Variants in MTUS2 observed in about 807,000 individuals in gnomAD.
MTUS2 encodes microtubule associated scaffold protein 2.
MTUS2 carries 40 observed loss-of-function variants against 114.1 expected under a neutral mutation model. The ratio of observed to expected loss-of-function variants is 0.35; its 90% CI spans 0.27 to 0.46. The LOEUF is 0.46. MTUS2 is among the 20% of genes least tolerant of loss of function. The pLI, the probability that MTUS2 is intolerant of heterozygous loss-of-function variation, is 1.00. For synonymous variants in MTUS2, 688 were observed against 672.0 expected (o/e 1.02, Z -0.37); for missense variants, 1,679 against 1,705.4 (o/e 0.98, Z 0.27).
chr13:29,098,766 A>G (rs945465030), intron 4 of MTUS2, among the ~76,000 whole-genome samples: 1 of 152,196 alleles, frequency 6.6e-6, no homozygotes, highest in Non-Finnish European at 1.5e-5. Context: ...ATTCTTGACT[A>G]AGTAGTAAAT....
intron 9 of MTUS2, among the ~76,000 whole-genome samples, chr13:29,467,493 G>C (rs747685060): frequency 1.3e-5 from 2 of 152,156 alleles, no homozygotes; most frequent in African/African-American, 4.8e-5. Context: ...AACCGGTGCC[G>C]TGGAGATCTG....
Position 29,208,638 on chromosome 13 carries a change from T to C in MTUS2, c.2645-73066T>C, listed in dbSNP as rs1156688900. Among the ~76,000 whole-genome samples the C allele has an allele frequency of 2.0e-5, 3 of 152,284 alleles. No homozygotes were observed. In the East Asian group the frequency reaches 5.8e-4, roughly 29 times the overall value. ...GTTTTAATAGGTCGTATCACTATAA[T>C]CATTTGGTTCAAAGAATTTTTAAAT... On this transcript the variant is annotated intron_variant, in intron 5 of 15. Transcript: ENST00000612955.
intron 9 of MTUS2, among the ~76,000 whole-genome samples, chr13:29,472,968 G>T (rs565593279): frequency 6.6e-6 from 1 of 152,238 alleles, no homozygotes; most frequent in East Asian, 1.9e-4. Flanking sequence ...GTCCTTGACA[G>T]TTATTTTGTC....
intron 2 of MTUS2, among the ~76,000 whole-genome samples, chr13:28,884,513 TA>T (rs1035057265): frequency 3.3e-5 from 5 of 152,296 alleles, no homozygotes; most frequent in African/African-American, 1.2e-4. Context: ...ACTGTACACT[TA>T]AAATAGTTTA....
chr13:29,166,298 G>A (rs1296455304), intron 5 of MTUS2, among the ~76,000 whole-genome samples: 1 of 152,216 alleles, frequency 6.6e-6, no homozygotes, highest in Non-Finnish European at 1.5e-5. Context: ...ACGAAAAACA[G>A]GCCAACATGG....
intron 1 of MTUS2, among the ~76,000 whole-genome samples, chr13:28,830,641 A>G (rs1160843253): frequency 2.0e-5 from 3 of 152,200 alleles, no homozygotes; most frequent in Non-Finnish European, 4.4e-5. Flanking sequence ...AGAAATGAAC[A>G]GAACATCAGA....
At chr13:29,258,236 T>C (rs1897344288) in intron 5 of MTUS2, among the ~76,000 whole-genome samples, 1 of 152,210 alleles carries the variant, frequency 6.6e-6, no homozygotes, top group South Asian at 2.1e-4. Flanking sequence ...ATTCACATCC[T>C]TGCAGTTGTA....
intron 7 of MTUS2, among the ~76,000 whole-genome samples, chr13:29,346,450 T>C (rs2138149524): frequency 6.6e-6 from 1 of 152,052 alleles, no homozygotes; most frequent in African/African-American, 2.4e-5. Context: ...TATGGCTGCC[T>C]CTGCTGGGTC....
chr13:28,849,817 C>T (rs1876131261), intron 2 of MTUS2, among the ~76,000 whole-genome samples: 1 of 152,082 alleles, frequency 6.6e-6, no homozygotes, highest in Non-Finnish European at 1.5e-5. Flanking sequence ...TTTCCCTCTC[C>T]TCTCTACCTC....
Position 29,447,960 on chromosome 13 carries a change from G to A in MTUS2, c.3184+7911G>A, listed in dbSNP as rs1878406516. Among the ~76,000 whole-genome samples the A allele has an allele frequency of 2.6e-5, 4 of 152,138 alleles. No individual in the cohort carries two copies. The South Asian group carries it at 8.3e-4, about 32-fold the overall frequency. On this transcript the variant is annotated intron_variant, in intron 9 of 15. Transcript: ENST00000612955. The stretch of plus-strand genomic sequence containing the variant: ...GAATATTGAATAATTGAAGAGCACT[G>A]ATGTATTTGTAAGCACTGAAATCGG...
At chr13:28,995,127 A>G (rs1280462407) in intron 2 of MTUS2, among the ~76,000 whole-genome samples, 2 of 152,342 alleles carry the variant, frequency 1.3e-5, no homozygotes, top group East Asian at 3.9e-4. Context: ...ATGGCTAGCC[A>G]GTCTTCCCAG....
At chr13:29,247,176 A>G (rs921743465) in intron 5 of MTUS2, among the ~76,000 whole-genome samples, 2 of 152,236 alleles carry the variant, frequency 1.3e-5, no homozygotes, top group African/African-American at 4.8e-5. Context: ...AGGACACCTT[A>G]TTCAACAAAT....
rs142427444 is a variant in MTUS2 at position 29,417,535 on chromosome 13, C to T, written c.3118-22448C>T. ...TTTTATGTTCTTGGTTGTTTTCCTA[C>T]CTTTTAAAATGCCCCTTAGTAAATT... On this transcript the variant is annotated intron_variant, in intron 8 of 15. Transcript: ENST00000612955. Among the ~76,000 whole-genome samples the T allele has an allele frequency of 2.0e-5, 3 of 152,116 alleles. No homozygotes were observed. In the East Asian group the frequency reaches 5.8e-4, roughly 29 times the overall value.
At chr13:29,484,724 T>G (rs2138925814) in intron 10 of MTUS2, 1 of 152,376 alleles carries the variant, frequency 6.6e-6, no homozygotes, top group South Asian at 2.1e-4. Context: ...TAATCTGGTT[T>G]GGGTTTAATG....
intron 5 of MTUS2, among the ~76,000 whole-genome samples, chr13:29,195,539 GAAAAAAAA>G (rs59726006): frequency 1.0e-4 from 8 of 78,528 alleles, no homozygotes; most frequent in Non-Finnish European, 1.8e-4. Context: ...ACTTAATTCT[GAAAAAAAA>G]AAAAAAAAAA....
At chr13:29,150,533 T>A (rs2139037502) in intron 5 of MTUS2, among the ~76,000 whole-genome samples, 1 of 152,314 alleles carries the variant, frequency 6.6e-6, no homozygotes, top group African/African-American at 2.4e-5. Flanking sequence ...GCAGAAGCTC[T>A]TTAGTTTAAT....
chr13:29,160,877 G>C (rs1037215201), intron 5 of MTUS2, among the ~76,000 whole-genome samples: 1 of 152,202 alleles, frequency 6.6e-6, no homozygotes, highest in African/African-American at 2.4e-5. Context: ...CAACAACCTT[G>C]ATGAATCTTC....
At position 29,026,350 on chromosome 13, in the gene MTUS2, C is replaced by A. The variant is rs1232552589; in HGVS notation, c.1652C>A (p.Pro551His). 3 of 1,613,976 alleles carry A rather than the reference C, an allele frequency of 1.9e-6. No individual in the cohort carries two copies. The highest frequency in any genetic ancestry group is 2.5e-6 in the Non-Finnish European group (3 of 1,179,890). Residue 551 changes from proline to histidine, a missense_variant, in exon 3 of 16, where the codon CCC becomes CAC. By Grantham distance (77) the Pro-to-His change is moderately conservative. Transcript: ENST00000612955. ...AACATGACCTACCAGCCTACAACAC[C>A]CAGTAGCAGTTTTCAGGATGTTAGC... is the stretch of plus-strand genomic sequence containing the variant. ...TVNMTYQPTT[P>H]SSSFQDVSVF... is the part of the protein sequence containing the mutation.
chr13:29,023,119 G>T (rs1439554415), intron 2 of MTUS2, among the ~76,000 whole-genome samples: 1 of 152,158 alleles, frequency 6.6e-6, no homozygotes, highest in African/African-American at 2.4e-5. Context: ...GGATGCAAAG[G>T]ACTTGTAAGA....
Sources: allele counts gnomAD v4.1 joint callset (sites outside exome capture counted in the v4.1 genomes callset), GRCh38; gene constraint gnomAD v4.1.1; transcripts MANE v1.5; gene names NCBI Gene and HGNC (gene_info 2026-07-23, HGNC 2026-07-21).